PHEX: variants seen among roughly 807,000 people sequenced by gnomAD.
PHEX encodes phosphate regulating endopeptidase X-linked.
PHEX carries 16 observed loss-of-function variants against 68.0 expected under a neutral mutation model. That is an observed-to-expected ratio of 0.24 (90% CI 0.16 to 0.36). The LOEUF is 0.36. Among genes scored for constraint, PHEX ranks in the 10% least tolerant of loss-of-function variants. The pLI, the probability that PHEX is intolerant of heterozygous loss-of-function variation, is 1.00. For missense variants in PHEX, 480 were observed against 575.5 expected, an observed-to-expected ratio of 0.83 and a Z score of 1.70; for synonymous variants, 208 against 205.1, an observed-to-expected ratio of 1.01 and a Z score of -0.12.
intron 11 of PHEX, among the ~76,000 whole-genome samples, chrX:22,115,037 G>A (rs1006986759): frequency 1.3e-4 from 14 of 111,171 alleles, no homozygotes; most frequent in Admixed American, 1.1e-3. Context: ...GTATATATTC[G>A]AAGTATACGG....
At chrX:22,200,419 G>T (rs1435285222) in intron 15 of PHEX, among the ~76,000 whole-genome samples, 2 of 111,068 alleles carry the variant, frequency 1.8e-5, no homozygotes, top group Non-Finnish European at 3.8e-5. Flanking sequence ...GACCAGCCTG[G>T]CCAACGTGGT....
intron 9 of PHEX, among the ~76,000 whole-genome samples, chrX:22,101,700 G>A (rs1238717396): frequency 2.7e-5 from 3 of 111,491 alleles, no homozygotes; most frequent in African/African-American, 9.8e-5. Flanking sequence ...AGGCCTAGAA[G>A]TGGGGTATGT....
chrX:22,085,216 A>G (rs1467862606), intron 5 of PHEX, among the ~76,000 whole-genome samples: 1 of 111,751 alleles, frequency 8.9e-6, no homozygotes, highest in Non-Finnish European at 1.9e-5. Flanking sequence ...GTTTAAAGAA[A>G]TTTTTAAATT....
chrX:22,224,993 G>GATTTAATA, intron 18 of PHEX, among the ~76,000 whole-genome samples: 1 of 99,031 alleles, frequency 1.0e-5, no homozygotes, highest in African/African-American at 3.7e-5. Flanking sequence ...AGCTCTGTAT[G>GATTTAATA]TCAGAAGTCT....
chrX:22,161,475 GA>G (rs1933128155), intron 12 of PHEX, among the ~76,000 whole-genome samples: 1 of 112,738 alleles, frequency 8.9e-6, no homozygotes, highest in African/African-American at 3.2e-5. Context: ...GAACAGCACT[GA>G]ATGATGTTTA....
At chrX:22,118,878 A>G (rs186841722) in intron 11 of PHEX, among the ~76,000 whole-genome samples, 1 of 112,370 alleles carries the variant, frequency 8.9e-6, no homozygotes, top group Non-Finnish European at 1.9e-5. Flanking sequence ...TGAATTAGAA[A>G]TGAGAAGAAT....
rs192217461 is a variant in PHEX, at chrX:22,099,720, C to G, written c.1079+569C>G. Among the ~76,000 whole-genome samples, 86 of 111,952 alleles carry G rather than the reference C, an allele frequency of 7.7e-4. 1 individual carries two copies. Among genetic ancestry groups the G allele is most frequent in the African/African-American group, 2.4e-3 (75 of 30,758 alleles). ...GTTTATTGCTACAAAGAAAAATCTT[C>G]CAATATTCCAGGAAGGAGAATTTTA... On this transcript the variant is annotated intron_variant, in intron 9 of 21. Transcript: ENST00000379374.
chrX:22,215,238 T>TAAAG (rs1935050446), intron 16 of PHEX, among the ~76,000 whole-genome samples: 2 of 111,417 alleles, frequency 1.8e-5, no homozygotes, highest in Admixed American at 9.5e-5. Context: ...TTTTTTTTCC[T>TAAAG]AAAGACTTGT....
chrX:22,177,691 T>C (rs143973462), intron 13 of PHEX, among the ~76,000 whole-genome samples: 2,049 of 112,207 alleles, frequency 0.018, 49 homozygotes, highest in African/African-American at 0.062. Flanking sequence ...CAGAGACTTT[T>C]TGAGTGTTAA....
chrX:22,181,063 C>T (rs111841631), intron 14 of PHEX, among the ~76,000 whole-genome samples: 2,509 of 111,768 alleles, frequency 0.022, 56 homozygotes, highest in African/African-American at 0.078. Flanking sequence ...ACAATAAACA[C>T]GGGAGTGCAG....
intron 9 of PHEX, among the ~76,000 whole-genome samples, chrX:22,107,339 T>G (rs1384282291): frequency 8.9e-6 from 1 of 112,260 alleles, no homozygotes; most frequent in Non-Finnish European, 1.9e-5. Flanking sequence ...GAATATCTTT[T>G]GAACTGATGA....
intron 5 of PHEX, among the ~76,000 whole-genome samples, chrX:22,081,691 C>T (rs895509385): frequency 1.8e-5 from 2 of 111,427 alleles, no homozygotes; most frequent in Non-Finnish European, 3.8e-5. Flanking sequence ...TCGCTCTAAT[C>T]TACACAGCGT....
At chrX:22,095,251 T>G (rs1359481510) in intron 7 of PHEX, among the ~76,000 whole-genome samples, 1 of 112,025 alleles carries the variant, frequency 8.9e-6, no homozygotes. Flanking sequence ...CTGCTGCAGA[T>G]GTTTCGAAGT....
intron 14 of PHEX, among the ~76,000 whole-genome samples, chrX:22,178,713 GA>G (rs1402416369): frequency 1.8e-5 from 2 of 111,875 alleles, no homozygotes; most frequent in Non-Finnish European, 3.8e-5. Context: ...AACTTTTGAA[GA>G]CCTTAAAAAA....
intron 11 of PHEX, among the ~76,000 whole-genome samples, chrX:22,119,968 C>T: frequency 9.0e-6 from 1 of 111,004 alleles, no homozygotes; most frequent in Non-Finnish European, 1.9e-5. Flanking sequence ...TACTCATGTC[C>T]ATGGAGGGCA....
intron 13 of PHEX, among the ~76,000 whole-genome samples, chrX:22,176,435 A>G (rs900450349): frequency 2.9e-5 from 3 of 104,313 alleles, no homozygotes; most frequent in African/African-American, 1.0e-4. Context: ...ATGTATGTAT[A>G]TATGATTTCT....
At position 22,096,795 on chromosome X, in the gene PHEX, C is replaced by T. The variant is rs974377862; in HGVS notation, c.850-160C>T. 3.6e-5 allele frequency among the ~76,000 whole-genome samples: 4 copies of T among 111,575 alleles called. No homozygotes were observed. The Admixed American group carries it at 3.8e-4, about 11-fold the overall frequency. ...TGAAAGTTTATTTTCTTAATCCTGC[C>T]TAAAGTGATGTCTTTTTTTCTCTTC... On this transcript the variant is annotated intron_variant, in intron 7 of 21. Coordinates refer to ENST00000379374, the MANE Select transcript of PHEX (RefSeq NM_000444.6).
intron 12 of PHEX, among the ~76,000 whole-genome samples, chrX:22,137,643 A>T (rs1221989005): frequency 2.7e-5 from 3 of 111,450 alleles, no homozygotes; most frequent in Non-Finnish European, 5.7e-5. Flanking sequence ...CCAGACCAGT[A>T]GCAGCAGTGG....
chrX:22,082,708 TTTAA>T (rs1929445876), intron 5 of PHEX, among the ~76,000 whole-genome samples: 1 of 112,280 alleles, frequency 8.9e-6, no homozygotes, highest in Non-Finnish European at 1.9e-5. Context: ...AGCTCTTTGG[TTTAA>T]TTAAGTCCCG....
Sources: allele counts gnomAD v4.1 joint callset (sites outside exome capture counted in the v4.1 genomes callset), GRCh38; gene constraint gnomAD v4.1.1; transcripts MANE v1.5; gene names NCBI Gene and HGNC (gene_info 2026-07-23, HGNC 2026-07-21).